NRG3: variants seen among roughly 807,000 people sequenced by gnomAD.
NRG3 encodes pro-neuregulin-3, membrane-bound isoform.
A neutral mutation model predicts 66.9 loss-of-function variants in NRG3; 31 were observed. The observed-to-expected ratio is 0.46, with a 90% CI of 0.35 to 0.63. The LOEUF is 0.63. Among genes scored for constraint, NRG3 ranks in the 20% least tolerant of loss-of-function variants. The probability of loss-of-function intolerance (pLI) is 0.00; values close to 1 mark genes in which losing one functional copy is unlikely to be tolerated. For missense variants in NRG3, 910 were observed against 878.9 expected (o/e 1.04, Z -0.45); for synonymous variants, 393 against 359.4 (o/e 1.09, Z -1.06).
intron 2 of NRG3, among the ~76,000 whole-genome samples, chr10:82,469,856 CT>C (rs1234284360): frequency 5.9e-5 from 9 of 152,220 alleles, no homozygotes; most frequent in Admixed American, 4.6e-4. Flanking sequence ...CTTCTAATTA[CT>C]TCCTTAGTTA....
intron 1 of NRG3, among the ~76,000 whole-genome samples, chr10:82,102,133 CATATATATATATAT>C (rs369498870): frequency 3.8e-5 from 1 of 26,296 alleles, no homozygotes; most frequent in Non-Finnish European, 7.2e-5. Flanking sequence ...TATGTGTATT[CATATATATATATAT>C]ATATATATAT....
intron 2 of NRG3, among the ~76,000 whole-genome samples, chr10:82,391,514 C>A (rs759134501): frequency 2.0e-5 from 3 of 152,074 alleles, no homozygotes; most frequent in African/African-American, 7.2e-5. Flanking sequence ...CTAGAGCCAA[C>A]GGAACATAAG....
At chr10:82,816,747 A>C (rs922206998) in intron 3 of NRG3, among the ~76,000 whole-genome samples, 5 of 152,056 alleles carry the variant, frequency 3.3e-5, no homozygotes, top group African/African-American at 1.2e-4. Flanking sequence ...AGCAGCCCCA[A>C]CTCAGAAGGA....
intron 1 of NRG3, among the ~76,000 whole-genome samples, chr10:82,038,003 A>G (rs2062867880): frequency 6.6e-6 from 1 of 151,998 alleles, no homozygotes. Flanking sequence ...GCAAAAAAAG[A>G]AGAAAGAATT....
At chr10:82,892,497 T>G (rs1214733515) in intron 4 of NRG3, among the ~76,000 whole-genome samples, 1 of 151,824 alleles carries the variant, frequency 6.6e-6, no homozygotes, top group African/African-American at 2.4e-5. Flanking sequence ...AGACACTATC[T>G]CTACAAAAAA....
intron 1 of NRG3, among the ~76,000 whole-genome samples, chr10:82,195,642 A>G (rs553992140): frequency 6.6e-6 from 1 of 152,260 alleles, no homozygotes; most frequent in Admixed American, 6.5e-5. Context: ...CCCCCAGAAC[A>G]TGTGAATATG....
At chr10:82,250,264 T>C (rs2077420758) in intron 1 of NRG3, among the ~76,000 whole-genome samples, 1 of 152,186 alleles carries the variant, frequency 6.6e-6, no homozygotes, top group East Asian at 1.9e-4. Flanking sequence ...TTTTATTTGT[T>C]TAACTTTTAT....
At chr10:82,906,607 G>A (rs1333207) in intron 4 of NRG3, among the ~76,000 whole-genome samples, 5,986 of 152,172 alleles carry the variant, frequency 0.039, 138 homozygotes, top group Middle Eastern at 0.1. Flanking sequence ...AAGACCACAA[G>A]ACATCATGAA....
chr10:81,930,323 T>G (rs1220060131), intron 1 of NRG3, among the ~76,000 whole-genome samples: 1 of 152,092 alleles, frequency 6.6e-6, no homozygotes, highest in Non-Finnish European at 1.5e-5. Flanking sequence ...CCCATGACGT[T>G]CCTGAAGCTC....
chr10:82,132,536 G>GATATATATGATAT lies in NRG3; in HGVS notation c.824-226195_824-226194insGATATATATATAT, dbSNP rs2068992833. Among the ~76,000 whole-genome samples the GATATATATGATAT allele has an allele frequency of 2.3e-4, 15 of 66,036 alleles. 1 individual carries two copies. Among genetic ancestry groups the GATATATATGATAT allele is most frequent in the African/African-American group, 1.1e-3 (12 of 11,016 alleles). The allele number at this position is 66,036 out of a possible 152,430, so 43.3% of individuals were successfully genotyped here. A position where few individuals can be genotyped will look rare whatever the true frequency, so the allele number is the denominator to read the frequency against. ...TATATGATATATATGATATATATAT[G>GATATATATGATAT]ATATATATATATCTTTGTCTGGTTT... is the stretch of plus-strand genomic sequence containing the variant. On this transcript the variant is annotated intron_variant, in intron 1 of 8. Coordinates refer to ENST00000372141, the MANE Select transcript of NRG3 (RefSeq NM_001010848.4).
At chr10:82,939,285 A>G (rs1848359045) in intron 4 of NRG3, among the ~76,000 whole-genome samples, 1 of 152,224 alleles carries the variant, frequency 6.6e-6, no homozygotes, top group African/African-American at 2.4e-5. Context: ...CAGGCTGAGA[A>G]TACAGATGTT....
chr10:82,326,747 A>ACTGT (rs1286374304), intron 1 of NRG3, among the ~76,000 whole-genome samples: 10 of 152,220 alleles, frequency 6.6e-5, no homozygotes, highest in African/African-American at 2.4e-4. Context: ...CTCAAGAATC[A>ACTGT]CTGTCCTTCT....
At chr10:81,936,316 A>G (rs1847865641) in intron 1 of NRG3, among the ~76,000 whole-genome samples, 1 of 152,148 alleles carries the variant, frequency 6.6e-6, no homozygotes. Context: ...GAAACAGTGA[A>G]CCAAACTGTG....
intron 3 of NRG3, chr10:82,843,117 G>T: frequency 3.0e-6 from 1 of 331,452 alleles, no homozygotes; most frequent in South Asian, 2.4e-5. Flanking sequence ...GGAGAAGATG[G>T]GGGACTACTG....
intron 1 of NRG3, among the ~76,000 whole-genome samples, chr10:82,223,005 T>G (rs1372399701): frequency 6.6e-6 from 1 of 152,224 alleles, no homozygotes; most frequent in Non-Finnish European, 1.5e-5. Flanking sequence ...AAATTGAAAT[T>G]TTCTTCTGGA....
intron 3 of NRG3, among the ~76,000 whole-genome samples, chr10:82,845,460 G>C (rs2063265008): frequency 6.6e-6 from 1 of 152,082 alleles, no homozygotes; most frequent in South Asian, 2.1e-4. Flanking sequence ...AATAAGTTGT[G>C]ATACTGGAAG....
At chr10:82,006,490 CT>C (rs1452742588) in intron 1 of NRG3, among the ~76,000 whole-genome samples, 6 of 151,878 alleles carry the variant, frequency 4.0e-5, no homozygotes, top group Non-Finnish European at 8.8e-5. Context: ...TTCTTTTATG[CT>C]TTTTTCTTTT....
intron 1 of NRG3, among the ~76,000 whole-genome samples, chr10:82,340,104 G>C (rs939248044): frequency 2.0e-5 from 3 of 152,160 alleles, no homozygotes; most frequent in African/African-American, 7.2e-5. Context: ...GTGATTTGCA[G>C]ACAAGATACT....
intron 2 of NRG3, among the ~76,000 whole-genome samples, chr10:82,477,535 TA>T (rs1841892330): frequency 6.6e-6 from 1 of 152,114 alleles, no homozygotes; most frequent in South Asian, 2.1e-4. Context: ...ACTTATGCTA[TA>T]GAGAGAGAAT....
Sources: allele counts gnomAD v4.1 joint callset (sites outside exome capture counted in the v4.1 genomes callset), GRCh38; gene constraint gnomAD v4.1.1; transcripts MANE v1.5; gene names NCBI Gene and HGNC (gene_info 2026-07-23, HGNC 2026-07-21).